BRD9: variants seen among roughly 807,000 people sequenced by gnomAD.
BRD9 encodes the protein bromodomain containing 9.
Under a neutral mutation model 68.7 loss-of-function variants are expected in BRD9, and 47 were observed. That is an observed-to-expected ratio of 0.68 (90% confidence interval 0.54 to 0.87). The LOEUF (loss-of-function observed/expected upper bound fraction) is 0.87. Ranked by LOEUF, BRD9 falls within the 40% of genes least tolerant of loss-of-function variation. BRD9 has a pLI of 0.00. For missense variants in BRD9, 670 were observed against 748.4 expected, an observed-to-expected ratio of 0.90 and a Z score of 1.22; for synonymous variants, 313 against 293.9, an observed-to-expected ratio of 1.06 and a Z score of -0.67.
At chr5:883,634 A>C in intron 8 of BRD9, 2 of 470,362 alleles carry the variant, frequency 4.3e-6, no homozygotes, top group Non-Finnish European at 7.8e-6. Context: ...GAGACACAGA[A>C]GTCAGCATTC....
In BRD9 at chr5:884,751, C is replaced by T. The variant is rs186771059; in HGVS notation, c.834-681G>A. Among the ~76,000 whole-genome samples the T allele has an allele frequency of 9.8e-4, 149 of 152,386 alleles. 1 individual carries two copies. Among genetic ancestry groups the T allele is most frequent in the Middle Eastern group, 6.8e-3 (2 of 294 alleles). Reference sequence around the variant, plus strand: ...CCAGGACAAGCCCTGCCCATGAGAGCGGCCCTGCCCTTGCCTGACCTACAG... The same window carrying T: ...CCAGGACAAGCCCTGCCCATGAGAGTGGCCCTGCCCTTGCCTGACCTACAG... On this transcript the variant is annotated intron_variant, in intron 7 of 15. Coordinates refer to ENST00000467963, the MANE Select transcript of BRD9 (RefSeq NM_023924.5).
chr5:865,329 T>G, intron 15 of BRD9, 85 bp downstream of exon 15: 3 of 1,456,710 alleles, frequency 2.1e-6, no homozygotes, highest in Non-Finnish European at 2.7e-6. Flanking sequence ...TTCCCACAAC[T>G]ACAATGCTGC....
At chr5:874,393 C>G (rs907234705) in intron 12 of BRD9, among the ~76,000 whole-genome samples, 11 of 152,198 alleles carry the variant, frequency 7.2e-5, no homozygotes, top group Admixed American at 5.2e-4. Context: ...CATATTTTTA[C>G]GTTTTTTGCA....
At chr5:888,127 C>T (rs918598751) in intron 5 of BRD9, 8 of 153,908 alleles carry the variant, frequency 5.2e-5, no homozygotes. Context: ...TCCCCAAGTC[C>T]CGGTTCCAGA....
intron 14 of BRD9, among the ~76,000 whole-genome samples, chr5:868,138 T>C (rs1749620689): frequency 6.6e-6 from 1 of 152,216 alleles, no homozygotes; most frequent in African/African-American, 2.4e-5. Context: ...CTTCCCCCTT[T>C]GCGTTCTCTC....
chr5:892,203 C>A (rs1753536999), intron 1 of BRD9: 18 of 431,852 alleles, frequency 4.2e-5, no homozygotes, highest in South Asian at 4.2e-4. Flanking sequence ...GGTTCACCCT[C>A]GCCTGACTTC....
intron 13 of BRD9, 22 bp from the exon 14 acceptor site, chr5:870,597 A>T (rs1271293305): frequency 6.4e-7 from 1 of 1,551,278 alleles, no homozygotes; most frequent in Non-Finnish European, 8.9e-7. Flanking sequence ...GACACACATC[A>T]AGAGCAATTC....
intron 14 of BRD9, among the ~76,000 whole-genome samples, chr5:867,297 A>G (rs1749513440): frequency 6.6e-6 from 1 of 152,232 alleles, no homozygotes; most frequent in Non-Finnish European, 1.5e-5. Context: ...AGTCTGCTGC[A>G]GGGGCAGGCC....
chr5:877,511 G>A (rs1466356068), intron 11 of BRD9, among the ~76,000 whole-genome samples: 1 of 152,174 alleles, frequency 6.6e-6, no homozygotes, highest in East Asian at 1.9e-4. Flanking sequence ...GATATGTCAA[G>A]ATGCCATTTC....
rs1436220438 is a variant in BRD9 at position 883,339 on chromosome 5, G to A, written c.966+599C>T. The A allele has an allele frequency of 8.8e-6, 4 of 456,802 alleles. No homozygotes were observed. The Admixed American group carries it at 9.4e-5, about 11-fold the overall frequency. 28.3% of individuals were successfully genotyped at this position (456,802 alleles called of 1,614,324 possible). On this transcript the variant is annotated intron_variant, in intron 8 of 15. Coordinates refer to ENST00000467963, the MANE Select transcript of BRD9 (RefSeq NM_023924.5). The stretch of plus-strand genomic sequence containing the variant: ...ATAGAGGTGAAATGAAACCTGCAAG[G>A]ATTAATGTCACCTGCATTGCTCTAC...
rs866674545 is a variant in BRD9, at chr5:866,562, T to C, written c.1526-981A>G. 3.3e-5 allele frequency: 5 copies of C among 152,518 alleles called. No homozygotes were observed. The South Asian group carries it at 1.0e-3, about 31-fold the overall frequency. 9.4% of individuals were successfully genotyped at this position (152,518 alleles called of 1,614,324 possible). A position where few individuals can be genotyped will look rare whatever the true frequency, so the allele number is the denominator to read the frequency against. On this transcript the variant is annotated intron_variant, in intron 14 of 15. Coordinates refer to ENST00000467963, the MANE Select transcript of BRD9 (RefSeq NM_023924.5). ...TATGATTCAAATGCTGATAGTGATATGGACAGTGAAATCCAGGCTGAGGTG... is the reference window on the plus strand; with the variant it reads ...TATGATTCAAATGCTGATAGTGATACGGACAGTGAAATCCAGGCTGAGGTG...
intron 2 of BRD9, 106 bp downstream of exon 2, chr5:891,534 C>T (rs1007608606): frequency 1.4e-6 from 2 of 1,466,966 alleles, no homozygotes; most frequent in Non-Finnish European, 1.8e-6. Context: ...CGGAACACCC[C>T]CTCCCCTCCT....
At chr5:866,782 T>C (rs1749436717) in intron 14 of BRD9, among the ~76,000 whole-genome samples, 2 of 152,202 alleles carry the variant, frequency 1.3e-5, no homozygotes, top group Admixed American at 6.5e-5. Context: ...TGGCTGCTTC[T>C]AAAAGCCTAT....
chr5:870,635 C>A lies in BRD9; in HGVS notation c.1423-60G>T. On this transcript the variant is annotated intron_variant, in intron 13 of 15. Coordinates refer to ENST00000467963, the MANE Select transcript of BRD9 (RefSeq NM_023924.5). ...ACATCAAACGAAAAACGAAATGTTA[C>A]TTCACACTCGCTATTGAAATCACTC... 3 of 1,175,642 alleles carry A rather than the reference C, an allele frequency of 2.6e-6. No individual in the cohort carries two copies. In the South Asian group the frequency reaches 3.8e-5, roughly 15 times the overall value. 72.8% of individuals were successfully genotyped at this position (1,175,642 alleles called of 1,614,324 possible).
chr5:890,676 A>T (rs1299043982), intron 3 of BRD9, among the ~76,000 whole-genome samples: 1 of 152,194 alleles, frequency 6.6e-6, no homozygotes, highest in Admixed American at 6.5e-5. Flanking sequence ...CCCAAGGGGA[A>T]TTACCTGCGT....
chr5:887,234 G>C (rs750191713), intron 6 of BRD9, 127 bp downstream of exon 6: 53 of 774,100 alleles, frequency 6.8e-5, no homozygotes, highest in Non-Finnish European at 1.1e-4. Flanking sequence ...CTAGAGCAAA[G>C]GGGGCAACAC....
At chr5:892,221 C>A (rs980393101) in intron 1 of BRD9, 4 of 437,116 alleles carry the variant, frequency 9.2e-6, no homozygotes, top group African/African-American at 8.2e-5. Context: ...TTCCTGCAGG[C>A]GCCCGTGCTG....
chr5:872,379 T>A (rs1483256318), intron 12 of BRD9, among the ~76,000 whole-genome samples: 3 of 152,146 alleles, frequency 2.0e-5, no homozygotes, highest in East Asian at 1.9e-4. Context: ...GTCACTCAAC[T>A]CCATATCCAA....
intron 10 of BRD9, 162 bp from the exon 11 acceptor site, chr5:878,649 G>C: frequency 1.1e-6 from 1 of 931,992 alleles, no homozygotes; most frequent in East Asian, 2.6e-5. Flanking sequence ...AGTTTTCCAT[G>C]TGTAACCAGC....
Sources: allele counts gnomAD v4.1 joint callset (sites outside exome capture counted in the v4.1 genomes callset), GRCh38; gene constraint gnomAD v4.1.1; transcripts MANE v1.5; gene names NCBI Gene and HGNC (gene_info 2026-07-23, HGNC 2026-07-21).